The following DNAH11 variants were observed in gnomAD, a reference collection of about 807,000 sequenced individuals.
DNAH11 encodes axonemal beta dynein heavy chain 11.
A neutral mutation model predicts 526.0 loss-of-function variants in DNAH11; 442 were observed. The observed-to-expected ratio is 0.84, with a 90% CI of 0.78 to 0.91. The LOEUF (loss-of-function observed/expected upper bound fraction) is 0.91, where lower values mean the gene tolerates loss of function less well. DNAH11 is among the 40% of genes least tolerant of loss of function. DNAH11 has a pLI of 0.00. For missense variants in DNAH11, 6,989 were observed against 5,448.7 expected (o/e 1.28, Z -8.90); for synonymous variants, 2,461 against 1,935.9 (o/e 1.27, Z -7.12).
intron 65 of DNAH11, among the ~76,000 whole-genome samples, chr7:21,836,902 A>C (rs1301305412): frequency 6.6e-6 from 1 of 152,144 alleles, no homozygotes; most frequent in African/African-American, 2.4e-5. Flanking sequence ...AGTAGCAAAA[A>C]AATGAAAAGG....
intron 36 of DNAH11, among the ~76,000 whole-genome samples, chr7:21,698,920 A>T (rs1415072101): frequency 6.6e-6 from 1 of 152,156 alleles, no homozygotes; most frequent in Non-Finnish European, 1.5e-5. Flanking sequence ...TATATTTTCT[A>T]TAAAATTCGA....
At chr7:21,565,083 C>T (rs1257171320) in intron 6 of DNAH11, among the ~76,000 whole-genome samples, 1 of 152,170 alleles carries the variant, frequency 6.6e-6, no homozygotes, top group Non-Finnish European at 1.5e-5. Flanking sequence ...TCTTCTCAGG[C>T]TGCCATAGCA....
At chr7:21,691,044 T>G (rs372841193) in intron 35 of DNAH11, among the ~76,000 whole-genome samples, 163 bp downstream of exon 35, 1 of 152,214 alleles carries the variant, frequency 6.6e-6, no homozygotes, top group African/African-American at 2.4e-5. Context: ...CATGATAAAT[T>G]AACCCTTTTG....
At position 21,774,128 on chromosome 7, in the gene DNAH11, C is replaced by G. The variant is rs1023185991; in HGVS notation, c.9336+129C>G. The stretch of plus-strand genomic sequence containing the variant: ...TGGTGAAATTTACAGTTTCATGACA[C>G]CAAGAATACACTGCTACTGCTTTCA... On this transcript the variant is annotated intron_variant, in intron 56 of 81. Coordinates refer to ENST00000409508, the MANE Select transcript of DNAH11 (RefSeq NM_001277115.2). The G allele has an allele frequency of 1.1e-5, 9 of 840,326 alleles. No homozygotes were observed. In the African/African-American group the frequency reaches 1.2e-4, roughly 11 times the overall value. The allele number at this position is 840,326 out of a possible 1,614,324, so 52.1% of individuals were successfully genotyped here.
In DNAH11 at chr7:21,826,283, ACT is replaced by A. The variant is rs72339925; in HGVS notation, c.10691+7947_10691+7948del. Among the ~76,000 whole-genome samples, 613 of 152,096 alleles carry A rather than the reference ACT, an allele frequency of 4.0e-3. 3 individuals carry two copies. The highest frequency in any genetic ancestry group is 0.014 in the African/African-American group (588 of 41,384). ...AAAGACTTTCTTATTTCCTCATCTA[ACT>A]CTTTAAAAGAAAGGAGAGAAACTAA... On this transcript the variant is annotated intron_variant, in intron 65 of 81. Transcript: ENST00000409508.
At position 21,779,068 on chromosome 7, in the gene DNAH11, C is replaced by T. The variant is rs773755540; in HGVS notation, c.9447C>T (p.Ser3149=). ...TKIGLQTEKV[S]REKTIADAEE... ...TCGGCCTTCAGACGGAGAAAGTGAG[C>T]CGGGAAAAGACCATCGCTGATGCTG... Residue 3149 remains serine (S), a synonymous_variant, in exon 57 of 82, where the codon AGC becomes AGT. Transcript: ENST00000409508. The T allele has an allele frequency of 1.2e-6, 2 of 1,613,082 alleles. No individual in the cohort carries two copies. Among genetic ancestry groups the T allele is most frequent in the Admixed American group, 1.7e-5 (1 of 59,958 alleles).
At chr7:21,548,696 G>A (rs1782901733) in intron 2 of DNAH11, among the ~76,000 whole-genome samples, 1 of 152,092 alleles carries the variant, frequency 6.6e-6, no homozygotes. Flanking sequence ...TGGAAAGCTG[G>A]GTAATTGCCA....
intron 25 of DNAH11, among the ~76,000 whole-genome samples, chr7:21,626,950 C>G (rs1453355955): frequency 1.3e-5 from 2 of 151,940 alleles, no homozygotes; most frequent in East Asian, 1.9e-4. Context: ...TGGGGTTTCA[C>G]TGTGTTAGCC....
rs71557520 is a variant in DNAH11, at chr7:21,765,610, T to TCAGACACACACACA, written c.9102+23_9102+24insGACACACACACACA. 53 of 956,380 alleles carry TCAGACACACACACA rather than the reference T, an allele frequency of 5.5e-5. No homozygotes were observed. In the African/African-American group the frequency reaches 8.4e-4, roughly 15 times the overall value. 59.2% of individuals were successfully genotyped at this position (956,380 alleles called of 1,614,324 possible). A position where few individuals can be genotyped will look rare whatever the true frequency, so the allele number is the denominator to read the frequency against. ...TTGAGGTATGCCGTGTCAGCCTGCG[T>TCAGACACACACACA]CACACACACACACACACACACACAC... On this transcript the variant is annotated intron_variant, in intron 55 of 81. Coordinates refer to ENST00000409508, the MANE Select transcript of DNAH11 (RefSeq NM_001277115.2).
intron 65 of DNAH11, among the ~76,000 whole-genome samples, chr7:21,842,257 G>T (rs573956490): frequency 1.3e-5 from 2 of 152,268 alleles, no homozygotes; most frequent in African/African-American, 2.4e-5. Flanking sequence ...GCTAATATTT[G>T]TTGTTATAGG....
At chr7:21,893,557 A>G (rs576396672) in intron 77 of DNAH11, among the ~76,000 whole-genome samples, 73 of 152,356 alleles carry the variant, frequency 4.8e-4, no homozygotes, top group Non-Finnish European at 7.6e-4. Flanking sequence ...CTGAGAAAGC[A>G]AGGAAAGAAG....
At chr7:21,693,764 T>A (rs186553585) in intron 35 of DNAH11, among the ~76,000 whole-genome samples, 1 of 152,166 alleles carries the variant, frequency 6.6e-6, no homozygotes, top group East Asian at 1.9e-4. Flanking sequence ...ATTGTATTAG[T>A]CCATTCTCAC....
intron 2 of DNAH11, among the ~76,000 whole-genome samples, chr7:21,553,069 G>GTTTTTT (rs1783080507): frequency 9.2e-6 from 1 of 108,376 alleles, no homozygotes; most frequent in African/African-American, 4.9e-5. Context: ...GTATAAATGG[G>GTTTTTT]ATTTTTTTTT....
intron 28 of DNAH11, among the ~76,000 whole-genome samples, chr7:21,653,845 T>C (rs932637636): frequency 6.6e-6 from 1 of 152,228 alleles, no homozygotes; most frequent in Non-Finnish European, 1.5e-5. Context: ...ATGAAAAGGC[T>C]GAAAGCTTTA....
chr7:21,548,808 GT>G (rs917960227), intron 2 of DNAH11, among the ~76,000 whole-genome samples: 1 of 152,102 alleles, frequency 6.6e-6, no homozygotes, highest in Admixed American at 6.5e-5. Context: ...AAGAGGAGTA[GT>G]TCATATTCCC....
At position 21,750,231 on chromosome 7, in the gene DNAH11, C is replaced by A; in HGVS notation, c.8807C>A (p.Pro2936Gln). 1 of 1,602,458 alleles carries A rather than the reference C, an allele frequency of 6.2e-7. No individual in the cohort carries two copies. Among genetic ancestry groups the A allele is most frequent in the Non-Finnish European group, 8.5e-7 (1 of 1,175,016 alleles). The change falls in exon 54 of 82, where the codon CCA (proline) becomes CAA (glutamine). Residue 2936 changes from proline (P) to glutamine (Q), a missense_variant. By Grantham distance (76) the Pro-to-Gln change is moderately conservative (BLOSUM62 -1). Coordinates refer to ENST00000409508, the MANE Select transcript of DNAH11 (RefSeq NM_001277115.2). ...TCATTCTTTGGGGCAGGAGAAATCC[C>A]AGATCTGTTCAGCGATGAAGATGTG... ...INDLLASGEI[P>Q]DLFSDEDVDK...
chr7:21,601,058 T>A lies in DNAH11; in HGVS notation c.3304T>A (p.Phe1102Ile). ...TGTTCAAATGAGCAAATTTGAGGAC[T>A]TTAGAGTGTTTGATAGTTGGTTCAA... ...LYVQMSKFED[F>I]RVFDSWFKVD... Residue 1102 changes from phenylalanine to isoleucine, a missense_variant, in exon 17 of 82, where the codon TTT (phenylalanine) becomes ATT (isoleucine). Physicochemically the swap from Phe to Ile is conservative, Grantham distance 21. Transcript: ENST00000409508. The A allele has an allele frequency of 6.2e-7, 1 of 1,612,166 alleles. No homozygotes were observed. Among genetic ancestry groups the A allele is most frequent in the Non-Finnish European group, 8.5e-7 (1 of 1,179,586 alleles).
At chr7:21,733,985 G>A (rs1007000925) in intron 45 of DNAH11, among the ~76,000 whole-genome samples, 1 of 152,066 alleles carries the variant, frequency 6.6e-6, no homozygotes, top group African/African-American at 2.4e-5. Flanking sequence ...TTTAAAACTG[G>A]GAAATCCTGA....
At chr7:21,554,577 G>A (rs559354313) in intron 2 of DNAH11, among the ~76,000 whole-genome samples, 75 of 152,234 alleles carry the variant, frequency 4.9e-4, no homozygotes, top group African/African-American at 1.8e-3. Context: ...AGATGGTTAT[G>A]GCCCCTCTCC....
Sources: gnomAD v4.1 joint callset for allele counts (sites outside exome capture counted in the v4.1 genomes callset) on GRCh38, gnomAD v4.1.1 for gene constraint, MANE v1.5 for transcripts, NCBI Gene and HGNC (gene_info 2026-07-23, HGNC 2026-07-21) for gene names.